The following WFDC1 variants were observed in gnomAD, a reference collection of about 807,000 sequenced individuals.
WFDC1 encodes the protein WAP four-disulfide core domain protein 1.
WFDC1 carries 39 observed loss-of-function variants against 32.9 expected under a neutral mutation model. The observed-to-expected ratio is 1.19, with a 90% CI of 0.92 to 1.55. The LOEUF (loss-of-function observed/expected upper bound fraction) is 1.55. Ranked by LOEUF, WFDC1 falls within the 40% of genes most tolerant of loss-of-function variation. The probability of loss-of-function intolerance (pLI) is 0.00; values close to 1 mark genes in which losing one functional copy is unlikely to be tolerated. For synonymous variants in WFDC1, 184 were observed against 137.4 expected (o/e 1.34, Z -2.37); for missense variants, 386 against 309.5 (o/e 1.25, Z -1.85).
intron 1 of WFDC1, among the ~76,000 whole-genome samples, chr16:84,310,689 AT>A (rs1423803019): frequency 3.3e-5 from 5 of 152,076 alleles, no homozygotes; most frequent in Non-Finnish European, 7.4e-5. Context: ...ATCTGTGTGC[AT>A]TTTTTTAAAA....
chr16:84,325,105 A>G (rs34862030), intron 5 of WFDC1, among the ~76,000 whole-genome samples: 113,584 of 151,888 alleles, frequency 0.75, 42,618 homozygotes, highest in East Asian at 0.89. Context: ...CCATCCATCC[A>G]TCCTTTCATT....
intron 4 of WFDC1, among the ~76,000 whole-genome samples, chr16:84,322,720 G>T (rs533220061): frequency 6.6e-6 from 1 of 152,180 alleles, no homozygotes; most frequent in Admixed American, 6.5e-5. Context: ...CATTTGAGGG[G>T]TTCACATTTT....
intron 4 of WFDC1, 41 bp from the exon 5 acceptor site, chr16:84,324,378 A>T: frequency 6.2e-7 from 1 of 1,604,300 alleles, no homozygotes. Context: ...TTGGCCTTCT[A>T]AACTCCTAAA....
chr16:84,295,430 T>A, intron 1 of WFDC1: 1 of 488,694 alleles, frequency 2.0e-6, no homozygotes, highest in Non-Finnish European at 3.6e-6. Context: ...ACCCCAGGAT[T>A]TAAACGGAGC....
chr16:84,307,017 C>T (rs947945282), intron 1 of WFDC1, among the ~76,000 whole-genome samples: 5 of 151,780 alleles, frequency 3.3e-5, no homozygotes, highest in African/African-American at 4.8e-5. Context: ...GAGCAGATCC[C>T]AGGTAGGTGA....
chr16:84,312,690 G>GAGAGAGATGATACA (rs1907703870), intron 1 of WFDC1, among the ~76,000 whole-genome samples: 1 of 152,098 alleles, frequency 6.6e-6, no homozygotes, highest in South Asian at 2.1e-4. Context: ...AGATACTTAA[G>GAGAGAGATGATACA]TAATTGTCCT....
intron 1 of WFDC1, among the ~76,000 whole-genome samples, chr16:84,309,063 T>C (rs967300579): frequency 6.6e-6 from 1 of 152,170 alleles, no homozygotes. Context: ...AGCCGGGATT[T>C]GAACCAAGGC....
chr16:84,314,303 A>G (rs994582645), intron 2 of WFDC1, among the ~76,000 whole-genome samples: 1 of 152,202 alleles, frequency 6.6e-6, no homozygotes, highest in Non-Finnish European at 1.5e-5. Context: ...TAGGGTAGAC[A>G]AGTAGCTATT....
At chr16:84,315,402 G>T (rs1907890870) in intron 2 of WFDC1, among the ~76,000 whole-genome samples, 1 of 152,184 alleles carries the variant, frequency 6.6e-6, no homozygotes, top group Non-Finnish European at 1.5e-5. Context: ...CACAGGGCAG[G>T]GAGTTTGTCT....
chr16:84,326,812 G>A, intron 5 of WFDC1, 70 bp from the exon 6 acceptor site: 1 of 1,592,268 alleles, frequency 6.3e-7, no homozygotes, highest in Non-Finnish European at 8.6e-7. Context: ...GGCAGTTCCT[G>A]GTGAGCCACG....
At chr16:84,305,374 A>G (rs781621175) in intron 1 of WFDC1, among the ~76,000 whole-genome samples, 6 of 152,250 alleles carry the variant, frequency 3.9e-5, no homozygotes, top group Non-Finnish European at 7.3e-5. Flanking sequence ...GCTCTTGCAC[A>G]TGCTGGGTGG....
intron 1 of WFDC1, among the ~76,000 whole-genome samples, chr16:84,308,517 C>T (rs1405544050): frequency 6.6e-6 from 1 of 152,224 alleles, no homozygotes; most frequent in Admixed American, 6.5e-5. Flanking sequence ...GCTGTTTAAG[C>T]TGAGGACTAA....
intron 1 of WFDC1, among the ~76,000 whole-genome samples, chr16:84,300,057 T>C (rs1906843414): frequency 6.6e-6 from 1 of 152,242 alleles, no homozygotes; most frequent in South Asian, 2.1e-4. Flanking sequence ...AACATCCTTT[T>C]ATTTTTTGCT....
At chr16:84,314,618 C>T (rs779544798) in intron 2 of WFDC1, among the ~76,000 whole-genome samples, 2 of 152,176 alleles carry the variant, frequency 1.3e-5, no homozygotes, top group African/African-American at 4.8e-5. Flanking sequence ...TAATCATGCT[C>T]ATAATTACAG....
At chr16:84,301,149 G>C (rs1906908142) in intron 1 of WFDC1, among the ~76,000 whole-genome samples, 1 of 152,110 alleles carries the variant, frequency 6.6e-6, no homozygotes, top group South Asian at 2.1e-4. Context: ...ACATTGAAAG[G>C]TTTTCTCCTT....
intron 1 of WFDC1, among the ~76,000 whole-genome samples, chr16:84,296,297 C>T (rs13337769): frequency 2.4e-4 from 37 of 152,342 alleles, no homozygotes; most frequent in African/African-American, 8.7e-4. Context: ...TGTTGCCTAA[C>T]AGGGTAGCAT....
intron 1 of WFDC1, among the ~76,000 whole-genome samples, chr16:84,297,926 G>A (rs1259540060): frequency 6.6e-6 from 1 of 152,050 alleles, no homozygotes; most frequent in African/African-American, 2.4e-5. Flanking sequence ...TCCCCGTGAG[G>A]CACCACTCCC....
At chr16:84,327,155 A>G (rs1597699105) in intron 6 of WFDC1, 200 bp downstream of exon 6, 1 of 597,974 alleles carries the variant, frequency 1.7e-6, no homozygotes, top group East Asian at 2.8e-5. Flanking sequence ...ATGCAACGAC[A>G]TACTATATGC....
chr16:84,317,623 C>G (rs1019785214), intron 2 of WFDC1: 2 of 152,756 alleles, frequency 1.3e-5, no homozygotes, highest in Non-Finnish European at 2.9e-5. Flanking sequence ...CACCTGTACA[C>G]CAAACTTCAC....
Sources: gnomAD v4.1 joint callset for allele counts (sites outside exome capture counted in the v4.1 genomes callset) on GRCh38, gnomAD v4.1.1 for gene constraint, MANE v1.5 for transcripts, NCBI Gene and HGNC (gene_info 2026-07-23, HGNC 2026-07-21) for gene names.